LRMDA: variants seen among roughly 807,000 people sequenced by gnomAD.
LRMDA encodes leucine-rich melanocyte differentiation-associated protein.
LRMDA carries 18 observed loss-of-function variants against 29.8 expected under a neutral mutation model. The observed-to-expected ratio is 0.60, with a 90% CI of 0.42 to 0.90. The LOEUF is 0.90. Ranked by LOEUF, LRMDA falls within the 40% of genes least tolerant of loss-of-function variation. LRMDA has a pLI of 0.00. For synonymous variants in LRMDA, 125 were observed against 109.4 expected (o/e 1.14, Z -0.89); for missense variants, 273 against 273.9 (o/e 1.00, Z 0.02).
chr10:76,220,333 G>T (rs1564690225), intron 5 of LRMDA, among the ~76,000 whole-genome samples: 1 of 151,816 alleles, frequency 6.6e-6, no homozygotes, highest in African/African-American at 2.4e-5. Flanking sequence ...CCAGGAGCTG[G>T]TTTTTTTTGA....
chr10:75,816,849 C>T (rs1480268349), intron 2 of LRMDA, among the ~76,000 whole-genome samples: 1 of 152,188 alleles, frequency 6.6e-6, no homozygotes, highest in Non-Finnish European at 1.5e-5. Context: ...CAAAACTTCT[C>T]TCAATTTTCT....
intron 2 of LRMDA, among the ~76,000 whole-genome samples, chr10:75,903,769 G>A (rs1292368940): frequency 1.3e-5 from 2 of 152,212 alleles, no homozygotes; most frequent in Non-Finnish European, 2.9e-5. Context: ...AAGCAGTTCA[G>A]AACATGTGGG....
rs150499969 is a variant in LRMDA, at chr10:76,392,349, A to G, written c.601+67864A>G. ...TTTTAAATCAACAGACAAAAATTGT[A>G]TATGTTTGTCATGTACAAATGTTTT... is the stretch of plus-strand genomic sequence containing the variant. On this transcript the variant is annotated intron_variant, in intron 6 of 6. Transcript: ENST00000611255. 3.3e-5 allele frequency among the ~76,000 whole-genome samples: 5 copies of G among 152,240 alleles called. No individual in the cohort carries two copies. In the East Asian group the frequency reaches 9.6e-4, roughly 29 times the overall value.
intron 5 of LRMDA, among the ~76,000 whole-genome samples, chr10:76,289,816 A>G (rs1447693137): frequency 6.6e-6 from 1 of 152,132 alleles, no homozygotes; most frequent in Admixed American, 6.6e-5. Flanking sequence ...CGAGCATCTG[A>G]TGGTGCCAGG....
intron 2 of LRMDA, among the ~76,000 whole-genome samples, chr10:75,877,520 C>G (rs1338392851): frequency 2.6e-5 from 4 of 152,210 alleles, no homozygotes; most frequent in Non-Finnish European, 4.4e-5. Context: ...AGCTCCACAC[C>G]TAATGCAGTG....
intron 2 of LRMDA, among the ~76,000 whole-genome samples, chr10:75,980,453 T>C (rs978522465): frequency 6.6e-6 from 1 of 152,190 alleles, no homozygotes; most frequent in Non-Finnish European, 1.5e-5. Flanking sequence ...CTTTAAGGAA[T>C]GGGACAGTGA....
chr10:76,437,314 G>A (rs1035912988), intron 6 of LRMDA: 1 of 152,130 alleles, frequency 6.6e-6, no homozygotes, highest in African/African-American at 2.4e-5. Context: ...AAAGGAAACT[G>A]GAGATTATCT....
chr10:76,230,995 A>G (rs942125223), intron 5 of LRMDA, among the ~76,000 whole-genome samples: 15 of 152,346 alleles, frequency 9.8e-5, no homozygotes, highest in African/African-American at 3.6e-4. Context: ...AAAAATTATC[A>G]TAAACTATTA....
At chr10:76,310,340 G>A (rs530245189) in intron 5 of LRMDA, among the ~76,000 whole-genome samples, 3 of 152,250 alleles carry the variant, frequency 2.0e-5, no homozygotes, top group Non-Finnish European at 2.9e-5. Context: ...TGTCCTCTTG[G>A]AGGTTTTTTG....
At chr10:75,634,076 AT>A (rs1485495262) in intron 2 of LRMDA, among the ~76,000 whole-genome samples, 2 of 152,206 alleles carry the variant, frequency 1.3e-5, no homozygotes, top group African/African-American at 4.8e-5. Flanking sequence ...AAACCAAATT[AT>A]CTTAAGGGAA....
chr10:75,486,868 G>A (rs1338215521), intron 2 of LRMDA, among the ~76,000 whole-genome samples: 2 of 152,170 alleles, frequency 1.3e-5, no homozygotes, highest in Non-Finnish European at 2.9e-5. Context: ...AGGATAGCAC[G>A]TGATAATTTG....
chr10:75,451,370 A>ATCACCTC (rs1419857883), intron 2 of LRMDA: 2 of 152,224 alleles, frequency 1.3e-5, no homozygotes, highest in African/African-American at 4.8e-5. Flanking sequence ...TTTGCCGAGA[A>ATCACCTC]TCACCTCTCG....
chr10:76,043,286 T>A (rs1848370833), intron 3 of LRMDA, among the ~76,000 whole-genome samples: 1 of 152,234 alleles, frequency 6.6e-6, no homozygotes, highest in African/African-American at 2.4e-5. Context: ...TGTGTTAATA[T>A]GGTGGATAGT....
chr10:75,548,772 T>C (rs771789038), intron 2 of LRMDA, among the ~76,000 whole-genome samples: 6 of 152,156 alleles, frequency 3.9e-5, no homozygotes, highest in Non-Finnish European at 7.4e-5. Context: ...GTCGGAAATA[T>C]ACATACTCGG....
At chr10:76,429,506 T>C (rs1038585307) in intron 6 of LRMDA, among the ~76,000 whole-genome samples, 1 of 151,986 alleles carries the variant, frequency 6.6e-6, no homozygotes, top group Admixed American at 6.6e-5. Context: ...TTATTATTCC[T>C]CTTGTCAGGG....
intron 2 of LRMDA, among the ~76,000 whole-genome samples, chr10:75,886,699 T>C (rs1180806406): frequency 1.3e-5 from 2 of 152,206 alleles, no homozygotes; most frequent in Non-Finnish European, 2.9e-5. Flanking sequence ...ATTAGTATTA[T>C]CCTATAATCA....
intron 2 of LRMDA, among the ~76,000 whole-genome samples, chr10:75,739,953 G>A (rs1194901401): frequency 2.6e-5 from 4 of 152,108 alleles, no homozygotes; most frequent in East Asian, 1.9e-4. Flanking sequence ...GAGGTAGATC[G>A]GTAACTTTTG....
intron 2 of LRMDA, among the ~76,000 whole-genome samples, chr10:75,775,739 C>CACAGAATTGAGCTGTT (rs1275082904): frequency 6.6e-6 from 1 of 152,168 alleles, no homozygotes; most frequent in African/African-American, 2.4e-5. Flanking sequence ...TTCTTGTTCC[C>CACAGAATTGAGCTGTT]ACCTCAATTC....
chr10:76,062,115 A>T (rs1050609013), intron 5 of LRMDA, among the ~76,000 whole-genome samples: 1 of 152,086 alleles, frequency 6.6e-6, no homozygotes, highest in African/African-American at 2.4e-5. Flanking sequence ...TTTCCTTTCC[A>T]TGTGTTGCTG....
Sources: gnomAD v4.1 joint callset for allele counts (sites outside exome capture counted in the v4.1 genomes callset) on GRCh38, gnomAD v4.1.1 for gene constraint, MANE v1.5 for transcripts, NCBI Gene and HGNC (gene_info 2026-07-23, HGNC 2026-07-21) for gene names.